CCDC18: variants seen among roughly 807,000 people sequenced by gnomAD.
The protein encoded by CCDC18 is coiled-coil domain containing 18.
A neutral mutation model predicts 196.0 loss-of-function variants in CCDC18; 157 were observed. That is an observed-to-expected ratio of 0.80 (90% confidence interval 0.70 to 0.91). The LOEUF (loss-of-function observed/expected upper bound fraction) is 0.91. Among genes scored for constraint, CCDC18 ranks in the 40% least tolerant of loss-of-function variants. The pLI, the probability that CCDC18 is intolerant of heterozygous loss-of-function variation, is 0.00. For missense variants in CCDC18, 1,465 were observed against 1,611.6 expected, an observed-to-expected ratio of 0.91 and a Z score of 1.56; for synonymous variants, 482 against 529.2, an observed-to-expected ratio of 0.91 and a Z score of 1.22.
chr1:93,198,663 A>T (rs1042567455), intron 6 of CCDC18, among the ~76,000 whole-genome samples: 1 of 152,094 alleles, frequency 6.6e-6, no homozygotes, highest in East Asian at 1.9e-4. Context: ...ATTTTTTTTT[A>T]AAGAAATATG....
intron 18 of CCDC18, 45 bp from the exon 19 acceptor site, chr1:93,236,202 AT>A: frequency 2.7e-6 from 4 of 1,485,498 alleles, no homozygotes; most frequent in Non-Finnish European, 3.6e-6. Context: ...TTATAAAAGT[AT>A]TTTTCTTCTG....
chr1:93,206,190 A>AG (rs1182020551), intron 8 of CCDC18, among the ~76,000 whole-genome samples: 1 of 152,078 alleles, frequency 6.6e-6, no homozygotes, highest in Non-Finnish European at 1.5e-5. Flanking sequence ...TTTAAAAAAA[A>AG]GGGGGAGCAG....
At chr1:93,218,658 C>T (rs1478515478) in intron 14 of CCDC18, among the ~76,000 whole-genome samples, 8 of 151,972 alleles carry the variant, frequency 5.3e-5, no homozygotes, top group Admixed American at 6.6e-5. Flanking sequence ...TACAGGTGCG[C>T]GCCACCAAGC....
intron 6 of CCDC18, among the ~76,000 whole-genome samples, chr1:93,199,425 C>T (rs548754395): frequency 2.0e-4 from 31 of 151,794 alleles, no homozygotes; most frequent in Non-Finnish European, 4.1e-4. Flanking sequence ...CACCAGGGAA[C>T]GGGGTGGTAC....
intron 27 of CCDC18, among the ~76,000 whole-genome samples, chr1:93,269,460 G>GT (rs963376656): frequency 5.7e-5 from 8 of 140,998 alleles, no homozygotes; most frequent in South Asian, 2.2e-4. Flanking sequence ...AGATGAAGTA[G>GT]TAAAAAAAAA....
intron 21 of CCDC18, 103 bp from the exon 22 acceptor site, chr1:93,246,002 A>G: frequency 1.6e-6 from 1 of 620,218 alleles, no homozygotes; most frequent in Non-Finnish European, 2.7e-6. Flanking sequence ...TGCATATATT[A>G]TTTTGCTTTT....
intron 12 of CCDC18, among the ~76,000 whole-genome samples, chr1:93,216,197 G>A (rs544298885): frequency 3.1e-4 from 47 of 152,278 alleles, no homozygotes; most frequent in African/African-American, 1.1e-3. Flanking sequence ...TACAAAAATA[G>A]CACAGTCTTG....
intron 4 of CCDC18, among the ~76,000 whole-genome samples, chr1:93,188,826 T>C (rs1198915837): frequency 6.6e-6 from 1 of 152,234 alleles, no homozygotes; most frequent in Non-Finnish European, 1.5e-5. Context: ...TTTCTGTTTC[T>C]TAATTTTTAT....
rs188275343 is a variant in CCDC18, at chr1:93,260,830, C to G, written c.3684+1945C>G. ...TCCCCTCCCTAGGTCTATGTGTTCT[C>G]ATTGTTTAACTCCCACTTATGAGTG... On this transcript the variant is annotated intron_variant, in intron 26 of 28. Coordinates refer to ENST00000690025, the MANE Select transcript of CCDC18 (RefSeq NM_001378204.1). Among the ~76,000 whole-genome samples the G allele has an allele frequency of 3.2e-3, 485 of 152,228 alleles. 1 individual carries two copies. Among genetic ancestry groups the G allele is most frequent in the Non-Finnish European group, 4.3e-3 (291 of 68,016 alleles).
At chr1:93,180,488 C>A (rs781272416), upstream of CCDC18, 4 of 1,519,986 alleles carry the variant, frequency 2.6e-6, no homozygotes, top group Non-Finnish European at 3.5e-6. Flanking sequence ...TCAGGCCAGG[C>A]GTGAGCGCCG....
At chr1:93,225,252 T>C (rs939196906) in intron 16 of CCDC18, among the ~76,000 whole-genome samples, 2 of 152,170 alleles carry the variant, frequency 1.3e-5, no homozygotes, top group Admixed American at 1.3e-4. Flanking sequence ...AGAATCTTAA[T>C]AGATGAGATG....
chr1:93,184,106 C>G lies in CCDC18; in HGVS notation c.263C>G (p.Ser88Cys). 6.4e-7 allele frequency: 1 copy of G among 1,561,798 alleles called. No homozygotes were observed. Residue 88 changes from serine to cysteine, a missense_variant, in exon 3 of 29, where the codon TCT becomes TGT. Ser to Cys is a moderately radical substitution (Grantham distance 112). Transcript: ENST00000690025. ...CCTTATGAAAACGTCTGTAAAATAT[C>G]TGGTAGCAGCACTGATTTTCAAAAA... ...YSPYENVCKI[S>C]GSSTDFQKKP...
chr1:93,195,960 A>G (rs903255152), intron 6 of CCDC18, among the ~76,000 whole-genome samples: 2 of 152,208 alleles, frequency 1.3e-5, no homozygotes, highest in African/African-American at 4.8e-5. Context: ...AAGCCAGTGT[A>G]AAGAAAGGGA....
chr1:93,218,676 A>G (rs1235831728), intron 14 of CCDC18, among the ~76,000 whole-genome samples: 3 of 152,006 alleles, frequency 2.0e-5, no homozygotes, highest in Non-Finnish European at 4.4e-5. Context: ...AGCCTGGCTA[A>G]TTTTTGTATT....
chr1:93,271,024 G>A, intron 28 of CCDC18: 1 of 984,114 alleles, frequency 1.0e-6, no homozygotes, highest in Non-Finnish European at 1.2e-6. Context: ...AGAGGCAGAG[G>A]GAGACAGAAC....
chr1:93,207,981 C>A lies in CCDC18; in HGVS notation c.1209+583C>A, dbSNP rs1309233975. On this transcript the variant is annotated intron_variant, in intron 9 of 28. Coordinates refer to ENST00000690025, the MANE Select transcript of CCDC18 (RefSeq NM_001378204.1). The stretch of plus-strand genomic sequence containing the variant: ...TTCTTTTTATTGCTAAATAGTATTT[C>A]ATTATATAGATATGTTATATTTTGT... Among the ~76,000 whole-genome samples the A allele has an allele frequency of 2.0e-5, 3 of 150,682 alleles. No individual in the cohort carries two copies. The South Asian group carries it at 6.6e-4, about 33-fold the overall frequency.
At chr1:93,222,067 T>C in intron 16 of CCDC18, 131 bp downstream of exon 16, 1 of 585,824 alleles carries the variant, frequency 1.7e-6, no homozygotes, top group Non-Finnish European at 2.9e-6. Flanking sequence ...ACTCCTGAGC[T>C]CAAGTAATCC....
chr1:93,248,209 T>C (rs1318477252), intron 23 of CCDC18, among the ~76,000 whole-genome samples: 1 of 151,810 alleles, frequency 6.6e-6, no homozygotes, highest in Non-Finnish European at 1.5e-5. Context: ...GAGACGGCGT[T>C]TCACCATCTT....
At chr1:93,229,396 T>G (rs1658898725) in intron 17 of CCDC18, among the ~76,000 whole-genome samples, 1 of 152,270 alleles carries the variant, frequency 6.6e-6, no homozygotes, top group African/African-American at 2.4e-5. Context: ...CTAATGTTGG[T>G]TAATATAATT....
Sources: gnomAD v4.1 joint callset for allele counts (sites outside exome capture counted in the v4.1 genomes callset) on GRCh38, gnomAD v4.1.1 for gene constraint, MANE v1.5 for transcripts, NCBI Gene and HGNC (gene_info 2026-07-23, HGNC 2026-07-21) for gene names.